CAGE1: variants seen among roughly 807,000 people sequenced by gnomAD.
CAGE1 encodes cancer antigen 1.
A neutral mutation model predicts 94.9 loss-of-function variants in CAGE1; 66 were observed. That is an observed-to-expected ratio of 0.70 (90% CI 0.57 to 0.85). The LOEUF (loss-of-function observed/expected upper bound fraction) is 0.85, where lower values mean the gene tolerates loss of function less well. Among genes scored for constraint, CAGE1 ranks in the 40% least tolerant of loss-of-function variants. The pLI, the probability that CAGE1 is intolerant of heterozygous loss-of-function variation, is 0.00. For synonymous variants in CAGE1, 319 were observed against 321.0 expected (o/e 0.99, Z 0.07); for missense variants, 865 against 950.4 (o/e 0.91, Z 1.18).
intron 9 of CAGE1, 118 bp from the exon 10 acceptor site, chr6:7,356,247 A>G (rs1759949344): frequency 1.6e-6 from 1 of 639,836 alleles, no homozygotes; most frequent in Non-Finnish European, 2.7e-6. Context: ...TTCTAAACCG[A>G]GCTGTACCGT....
Position 7,339,481 on chromosome 6 carries a change from C to T in CAGE1, c.2370-5391G>A, listed in dbSNP as rs1177274140. 2.2e-6 allele frequency: 2 copies of T among 902,410 alleles called. No individual in the cohort carries two copies. The highest frequency in any genetic ancestry group is 1.6e-5 in the African/African-American group (1 of 61,398). 55.9% of individuals were successfully genotyped at this position (902,410 alleles called of 1,614,324 possible). ...TCAACTCCAGAGTAGCCATCTTCAG[C>T]CAGCTCCTGAGTAAGAAACTCATTC... On this transcript the variant is annotated intron_variant, in intron 11 of 13. Coordinates refer to ENST00000502583, the MANE Select transcript of CAGE1 (RefSeq NM_001170692.2). This position sits in a 1 kb window ranked among gnomAD's most constrained non-coding sequence, Gnocchi z 4.7.
chr6:7,378,593 T>G, intron 4 of CAGE1, 24 bp downstream of exon 4: 1 of 1,530,812 alleles, frequency 6.5e-7, no homozygotes, highest in Non-Finnish European at 8.7e-7. Flanking sequence ...CAAATGGTTT[T>G]ACAATATTAT....
chr6:7,352,311 A>AC (rs1161658824), intron 11 of CAGE1, among the ~76,000 whole-genome samples: 1 of 110,728 alleles, frequency 9.0e-6, no homozygotes, highest in African/African-American at 5.2e-5. Context: ...AAAAACAAAA[A>AC]AAAACAAAAA....
intron 11 of CAGE1, among the ~76,000 whole-genome samples, chr6:7,345,452 G>A (rs1033040309): frequency 6.6e-6 from 1 of 152,178 alleles, no homozygotes; most frequent in Admixed American, 6.5e-5. Flanking sequence ...CTTGAAGTGA[G>A]ACCAAGTAGC....
intron 11 of CAGE1, among the ~76,000 whole-genome samples, chr6:7,353,002 C>A (rs947714456): frequency 6.6e-6 from 1 of 151,990 alleles, no homozygotes. Context: ...ATTTCATGAC[C>A]AAGAACCCAA....
intron 12 of CAGE1, chr6:7,331,345 A>G: frequency 9.3e-7 from 1 of 1,070,884 alleles, no homozygotes; most frequent in Non-Finnish European, 1.3e-6. Flanking sequence ...GTAAGTCTGG[A>G]CAAGGCAAAT....
At chr6:7,358,685 A>AT (rs948838749) in intron 9 of CAGE1, among the ~76,000 whole-genome samples, 1 of 152,014 alleles carries the variant, frequency 6.6e-6, no homozygotes, top group African/African-American at 2.4e-5. Context: ...TACAAAAAAA[A>AT]TTTTTTTTAA....
intron 11 of CAGE1, among the ~76,000 whole-genome samples, chr6:7,338,204 C>T (rs1245532222): frequency 2.6e-5 from 4 of 152,140 alleles, no homozygotes; most frequent in African/African-American, 7.2e-5. Context: ...TAGATGATCA[C>T]GTGTCTGTGA....
chr6:7,357,326 A>G (rs1178877465), intron 9 of CAGE1, among the ~76,000 whole-genome samples: 1 of 152,204 alleles, frequency 6.6e-6, no homozygotes, highest in African/African-American at 2.4e-5. Flanking sequence ...AGAGAATTTA[A>G]AAGACTTTTG....
intron 12 of CAGE1, chr6:7,331,509 A>C (rs1758753357): frequency 2.4e-6 from 1 of 411,912 alleles, no homozygotes; most frequent in East Asian, 5.5e-5. Context: ...ACCAGTCTCA[A>C]TGTCTCTGCT....
intron 11 of CAGE1, among the ~76,000 whole-genome samples, chr6:7,334,556 C>T (rs1400598863): frequency 2.0e-5 from 3 of 151,858 alleles, no homozygotes; most frequent in Admixed American, 6.6e-5. Context: ...TGGTGAAATT[C>T]TGTCTCTACA....
At chr6:7,329,108 T>G (rs1303988485) in intron 13 of CAGE1, 1 of 304,148 alleles carries the variant, frequency 3.3e-6, no homozygotes, top group African/African-American at 2.2e-5. Context: ...ATTTTCTGTA[T>G]TTTTAATAGA....
intron 7 of CAGE1, among the ~76,000 whole-genome samples, chr6:7,367,635 T>G (rs1219657397): frequency 6.6e-6 from 1 of 151,962 alleles, no homozygotes; most frequent in Non-Finnish European, 1.5e-5. Flanking sequence ...TTTAGAGGAG[T>G]AGAGGCCAGC....
intron 7 of CAGE1, among the ~76,000 whole-genome samples, chr6:7,367,337 G>A (rs1202617174): frequency 7.9e-6 from 1 of 126,354 alleles, no homozygotes; most frequent in Non-Finnish European, 1.6e-5. Flanking sequence ...ACAGTGTTTT[G>A]AGACTTGCCT....
rs191811901 is a variant in CAGE1 at position 7,334,420 on chromosome 6, G to A, written c.2370-330C>T. Among the ~76,000 whole-genome samples the A allele has an allele frequency of 6.6e-3, 998 of 152,092 alleles. 10 individuals are homozygous for A. The highest frequency in any genetic ancestry group is 0.041 in the Middle Eastern group (12 of 294). On this transcript the variant is annotated intron_variant, in intron 11 of 13. Transcript: ENST00000502583. Reference sequence around the variant, plus strand: ...ATGAGTAAATCCAATATGATCCTGGGGGTAACATGTTAAAAACAAAACTCC... The same window carrying A: ...ATGAGTAAATCCAATATGATCCTGGAGGTAACATGTTAAAAACAAAACTCC...
At chr6:7,331,556 A>C in intron 12 of CAGE1, 1 of 372,520 alleles carries the variant, frequency 2.7e-6, no homozygotes. Flanking sequence ...TTTAGCTGAG[A>C]CACACCATTC....
chr6:7,381,147 A>G (rs1407893384), intron 3 of CAGE1, among the ~76,000 whole-genome samples: 1 of 152,140 alleles, frequency 6.6e-6, no homozygotes, highest in Non-Finnish European at 1.5e-5. Flanking sequence ...CAAAATTCAT[A>G]TGCTGAAGCT....
intron 11 of CAGE1, chr6:7,341,697 G>C (rs1200885912): frequency 1.4e-6 from 1 of 710,008 alleles, no homozygotes; most frequent in Non-Finnish European, 2.7e-6. Flanking sequence ...AGGAGCTAAA[G>C]TCAAAGCCAC....
At position 7,374,123 on chromosome 6, in the gene CAGE1, A is replaced by G. The variant is rs748763992; in HGVS notation, c.696T>C (p.Val232=). ...QPPSFLCKTA[V]PSKEIQNYGE... is the part of the protein sequence containing the mutation. ...CATAATTCTGTATTTCTTTTGAAGGAACTGCAGTCTGTAAATTATAGTAAA... is the reference window on the plus strand; with the variant it reads ...CATAATTCTGTATTTCTTTTGAAGGGACTGCAGTCTGTAAATTATAGTAAA... The change falls in exon 5 of 14, where the codon GTT becomes GTC. Residue 232 remains valine (V), a synonymous_variant. Transcript: ENST00000502583. 2.5e-6 allele frequency: 4 copies of G among 1,609,758 alleles called. No individual in the cohort carries two copies. In the South Asian group the frequency reaches 4.4e-5, roughly 18 times the overall value.
Sources: gnomAD v4.1 joint callset for allele counts (sites outside exome capture counted in the v4.1 genomes callset) on GRCh38, gnomAD v4.1.1 for gene constraint, Gnocchi (gnomAD v3.1) non-coding constraint, MANE v1.5 for transcripts, NCBI Gene and HGNC (gene_info 2026-07-23, HGNC 2026-07-21) for gene names.